Variants in PHF21B observed in about 807,000 individuals in gnomAD.
PHF21B encodes the protein PHD finger protein 21B, also known as PHD finger protein 4.
A neutral mutation model predicts 62.2 loss-of-function variants in PHF21B; 22 were observed. The ratio of observed to expected loss-of-function variants is 0.35; its 90% confidence interval spans 0.25 to 0.51. The LOEUF is 0.51. PHF21B is among the 20% of genes least tolerant of loss of function. PHF21B has a pLI of 0.97. For synonymous variants in PHF21B, 341 were observed against 314.7 expected (o/e 1.08, Z -0.88); for missense variants, 701 against 707.9 (o/e 0.99, Z 0.11).
At chr22:44,996,603 C>T (rs1304772461) in intron 2 of PHF21B, among the ~76,000 whole-genome samples, 1 of 151,966 alleles carries the variant, frequency 6.6e-6, no homozygotes, top group African/African-American at 2.4e-5. Context: ...GTCCCTACCC[C>T]GTTTGACTCT....
intron 2 of PHF21B, among the ~76,000 whole-genome samples, chr22:44,947,335 T>C (rs552127603): frequency 3.9e-5 from 6 of 152,256 alleles, no homozygotes; most frequent in Non-Finnish European, 8.8e-5. Flanking sequence ...GGCAGGGCTC[T>C]GCTGCCTTTG....
chr22:44,941,378 AGTCC>A (rs1200721161), intron 2 of PHF21B, among the ~76,000 whole-genome samples: 1 of 152,218 alleles, frequency 6.6e-6, no homozygotes, highest in Non-Finnish European at 1.5e-5. Context: ...GGATCAGGCC[AGTCC>A]GTCCCTCTGT....
intron 5 of PHF21B, among the ~76,000 whole-genome samples, chr22:44,896,710 C>T (rs2071063145): frequency 6.6e-6 from 1 of 152,104 alleles, no homozygotes; most frequent in Non-Finnish European, 1.5e-5. Flanking sequence ...GTGTTCCTCA[C>T]TTTATCTCAT....
At chr22:44,984,185 C>T (rs2072901514) in intron 2 of PHF21B, among the ~76,000 whole-genome samples, 1 of 146,258 alleles carries the variant, frequency 6.8e-6, no homozygotes, top group Admixed American at 6.8e-5. Context: ...ATCACAACCA[C>T]CATCATCACC....
chr22:44,921,359 C>CTTT (rs11309607), intron 2 of PHF21B, among the ~76,000 whole-genome samples: 1 of 146,974 alleles, frequency 6.8e-6, no homozygotes, highest in Non-Finnish European at 1.5e-5. Context: ...CGGAACAGTT[C>CTTT]TTTTTTTTTT....
At chr22:44,939,710 G>C (rs1010613666) in intron 2 of PHF21B, among the ~76,000 whole-genome samples, 1 of 152,208 alleles carries the variant, frequency 6.6e-6, no homozygotes, top group Non-Finnish European at 1.5e-5. Flanking sequence ...GCAGGGCTAG[G>C]GAGGGGCGAA....
At chr22:44,940,059 C>T (rs917167366) in intron 2 of PHF21B, among the ~76,000 whole-genome samples, 1 of 152,138 alleles carries the variant, frequency 6.6e-6, no homozygotes. Context: ...CAAGCCACTG[C>T]CACCCTGGGC....
chr22:44,993,683 C>T (rs2073076375), intron 2 of PHF21B, among the ~76,000 whole-genome samples: 1 of 152,220 alleles, frequency 6.6e-6, no homozygotes, highest in Non-Finnish European at 1.5e-5. Flanking sequence ...AGATGAGCAA[C>T]TTGGACTCTT....
chr22:44,911,479 G>T (rs2071342750), intron 5 of PHF21B, among the ~76,000 whole-genome samples: 1 of 152,108 alleles, frequency 6.6e-6, no homozygotes, highest in African/African-American at 2.4e-5. Context: ...GCAGTCTAGG[G>T]ACTTAGTGCC....
intron 3 of PHF21B, 104 bp downstream of exon 3, chr22:44,920,294 G>C (rs1399981389): frequency 2.5e-6 from 2 of 809,542 alleles, no homozygotes; most frequent in East Asian, 6.1e-5. Flanking sequence ...CACGAGTTCC[G>C]CCTGGCCCAG....
At chr22:44,994,853 A>C (rs147332650) in intron 2 of PHF21B, among the ~76,000 whole-genome samples, 1 of 152,370 alleles carries the variant, frequency 6.6e-6, no homozygotes, top group East Asian at 1.9e-4. Context: ...ATTACAGAAA[A>C]GAAGTCCAGA....
At chr22:44,922,632 C>CA (rs1034804923) in intron 2 of PHF21B, among the ~76,000 whole-genome samples, 124 of 144,054 alleles carry the variant, frequency 8.6e-4, no homozygotes, top group African/African-American at 1.6e-3. Flanking sequence ...AACTCCATCT[C>CA]AAAAAAAAAG....
intron 2 of PHF21B, among the ~76,000 whole-genome samples, chr22:44,947,656 T>A (rs2072102621): frequency 6.6e-6 from 1 of 152,074 alleles, no homozygotes. Context: ...GGGACCAGAG[T>A]GTGAATTCTG....
At chr22:44,973,318 T>C (rs918840741) in intron 2 of PHF21B, among the ~76,000 whole-genome samples, 4 of 152,330 alleles carry the variant, frequency 2.6e-5, no homozygotes, top group African/African-American at 9.6e-5. Context: ...GATTGGCAGA[T>C]GTCAGCTCCC....
chr22:44,930,171 G>T (rs552725167), intron 2 of PHF21B, among the ~76,000 whole-genome samples: 3 of 152,210 alleles, frequency 2.0e-5, no homozygotes, highest in African/African-American at 7.2e-5. Context: ...GCACTGGGGC[G>T]GGTGTGGCCT....
intron 2 of PHF21B, among the ~76,000 whole-genome samples, chr22:44,992,597 T>A (rs1257977574): frequency 1.3e-5 from 2 of 152,234 alleles, no homozygotes; most frequent in Non-Finnish European, 2.9e-5. Flanking sequence ...CGTGCACGTG[T>A]GGGTGGCAGA....
intron 2 of PHF21B, among the ~76,000 whole-genome samples, chr22:45,006,924 G>C (rs977920353): frequency 1.3e-5 from 2 of 151,802 alleles, no homozygotes; most frequent in East Asian, 3.9e-4. Flanking sequence ...TGTGCTCTGC[G>C]GAAAAGGGTC....
intron 2 of PHF21B, among the ~76,000 whole-genome samples, chr22:44,932,947 G>A (rs1441166647): frequency 9.2e-5 from 14 of 152,364 alleles, no homozygotes; most frequent in African/African-American, 3.4e-4. Flanking sequence ...CCAAGATACA[G>A]AACATTCCAG....
intron 2 of PHF21B, among the ~76,000 whole-genome samples, chr22:44,921,954 C>T (rs1419430643): frequency 2.6e-5 from 4 of 152,158 alleles, no homozygotes; most frequent in Non-Finnish European, 4.4e-5. Context: ...CCACCGCGCC[C>T]GGTCCTGATG....
Sources: allele counts gnomAD v4.1 joint callset (sites outside exome capture counted in the v4.1 genomes callset), GRCh38; gene constraint gnomAD v4.1.1; transcripts MANE v1.5; gene names NCBI Gene and HGNC (gene_info 2026-07-23, HGNC 2026-07-21).